Variants in ARB2A observed in about 807,000 individuals in gnomAD.
ARB2A encodes the protein cotranscriptional regulator ARB2A.
At chr5:93,670,382 G>C in the ARB2A span, among the ~76,000 whole-genome samples, 1 of 152,190 alleles carries the variant, frequency 6.6e-6, no homozygotes, top group Non-Finnish European at 1.5e-5. Context: ...AGATCTCCTT[G>C]TTCTACCTGC....
the ARB2A span, among the ~76,000 whole-genome samples, chr5:93,716,270 A>G: frequency 6.6e-6 from 1 of 152,222 alleles, no homozygotes; most frequent in African/African-American, 2.4e-5. Context: ...ACTAAAGAGA[A>G]TAAGAAAGAA....
the ARB2A span, among the ~76,000 whole-genome samples, chr5:93,628,052 A>ATTTTTT: frequency 2.9e-5 from 2 of 68,302 alleles, no homozygotes; most frequent in Non-Finnish European, 5.5e-5. Flanking sequence ...ATGTAGCATA[A>ATTTTTT]TTTTTTTTTT....
chr5:93,926,965 C>T, the ARB2A span, among the ~76,000 whole-genome samples: 3 of 149,188 alleles, frequency 2.0e-5, no homozygotes, highest in South Asian at 6.4e-4. Flanking sequence ...GCAGGAGATT[C>T]AACTGTGTTG....
the ARB2A span, chr5:94,111,638 G>A: frequency 6.6e-6 from 1 of 152,282 alleles, no homozygotes; most frequent in Non-Finnish European, 1.5e-5. Flanking sequence ...CCCCGACCAA[G>A]TTCGAGTTGC....
chr5:93,766,930 C>A, the ARB2A span, among the ~76,000 whole-genome samples: 2 of 151,576 alleles, frequency 1.3e-5, no homozygotes, highest in African/African-American at 4.9e-5. Flanking sequence ...TCAGCAAACT[C>A]TCGCAAGGAC....
the ARB2A span, among the ~76,000 whole-genome samples, chr5:94,063,016 C>T: frequency 1.3e-5 from 2 of 152,228 alleles, no homozygotes; most frequent in South Asian, 4.1e-4. Context: ...TTATCTATGG[C>T]TAGAGCCACT....
chr5:93,971,741 G>C, the ARB2A span, among the ~76,000 whole-genome samples: 1 of 152,022 alleles, frequency 6.6e-6, no homozygotes, highest in Non-Finnish European at 1.5e-5. Flanking sequence ...CAAGATCTTT[G>C]TATTCAGTAT....
At chr5:93,757,097 C>T in the ARB2A span, among the ~76,000 whole-genome samples, 102 of 152,080 alleles carry the variant, frequency 6.7e-4, no homozygotes, top group African/African-American at 2.3e-3. Flanking sequence ...AAAGTCTCAG[C>T]GATAGAATTG....
At chr5:94,102,728 T>C in the ARB2A span, among the ~76,000 whole-genome samples, 1 of 151,868 alleles carries the variant, frequency 6.6e-6, no homozygotes, top group Non-Finnish European at 1.5e-5. Flanking sequence ...AGATTCTCCA[T>C]GGTCAAAGTG....
chr5:94,075,361 C>T, the ARB2A span, among the ~76,000 whole-genome samples: 2 of 151,960 alleles, frequency 1.3e-5, no homozygotes. Flanking sequence ...CTCTAAATGG[C>T]ACTCCAGTAA....
chr5:93,892,131 A>G, the ARB2A span, among the ~76,000 whole-genome samples: 1 of 152,194 alleles, frequency 6.6e-6, no homozygotes, highest in Admixed American at 6.6e-5. Flanking sequence ...ATTAATTTGA[A>G]AAGGTGTTGA....
the ARB2A span, among the ~76,000 whole-genome samples, chr5:94,035,196 CATACATATACAT>C: frequency 5.3e-4 from 69 of 129,654 alleles, 1 homozygote; most frequent in East Asian, 6.9e-4. Flanking sequence ...GGATCTTATA[CATACATATACAT>C]ATACATATAC....
At chr5:94,108,922 G>A in the ARB2A span, among the ~76,000 whole-genome samples, 1 of 152,098 alleles carries the variant, frequency 6.6e-6, no homozygotes, top group Non-Finnish European at 1.5e-5. Flanking sequence ...TTCCCTTCTG[G>A]AGAGATATCG....
At chr5:93,770,591 T>C in the ARB2A span, among the ~76,000 whole-genome samples, 37 of 152,176 alleles carry the variant, frequency 2.4e-4, no homozygotes, top group African/African-American at 8.2e-4. Flanking sequence ...CTTAAGCTGA[T>C]AAGCAACTTC....
the ARB2A span, among the ~76,000 whole-genome samples, chr5:93,650,302 T>C: frequency 1.3e-5 from 2 of 152,176 alleles, no homozygotes; most frequent in African/African-American, 4.8e-5. Flanking sequence ...TAGAATACTT[T>C]AACAGACAAA....
At chr5:93,745,142 C>T in the ARB2A span, among the ~76,000 whole-genome samples, 1 of 152,142 alleles carries the variant, frequency 6.6e-6, no homozygotes, top group Non-Finnish European at 1.5e-5. Flanking sequence ...TAACCAACTG[C>T]CATGATCCAC....
chr5:93,654,005 TC>T, the ARB2A span, among the ~76,000 whole-genome samples: 6 of 152,226 alleles, frequency 3.9e-5, no homozygotes, highest in Admixed American at 2.0e-4. Flanking sequence ...ATAATTTAGT[TC>T]CGTTCAATAA....
the ARB2A span, among the ~76,000 whole-genome samples, chr5:93,815,875 G>C: frequency 6.6e-6 from 1 of 152,168 alleles, no homozygotes; most frequent in Non-Finnish European, 1.5e-5. Flanking sequence ...ACCATACTCT[G>C]ATATAACTCC....
chr5:93,741,165 C>A, the ARB2A span: 1 of 1,613,912 alleles, frequency 6.2e-7, no homozygotes, highest in Admixed American at 1.7e-5. Flanking sequence ...TCTTCTGCCT[C>A]AACTCCTTGG....
Sources: allele counts gnomAD v4.1 joint callset (sites outside exome capture counted in the v4.1 genomes callset), GRCh38; gene constraint gnomAD v4.1.1; transcripts MANE v1.5; gene names NCBI Gene and HGNC (gene_info 2026-07-23, HGNC 2026-07-21).